PPP3CC: variants seen among roughly 807,000 people sequenced by gnomAD.
The protein encoded by PPP3CC is serine/threonine-protein phosphatase 2B catalytic subunit gamma isoform.
Under a neutral mutation model 60.3 loss-of-function variants are expected in PPP3CC, and 35 were observed. The observed-to-expected ratio is 0.58, with a 90% CI of 0.44 to 0.77. The LOEUF (loss-of-function observed/expected upper bound fraction) is 0.77. PPP3CC is among the 30% of genes least tolerant of loss of function. The pLI is 0.00. For missense variants in PPP3CC, 570 were observed against 628.9 expected (o/e 0.91, Z 1.00); for synonymous variants, 206 against 224.3 (o/e 0.92, Z 0.73).
intron 1 of PPP3CC, among the ~76,000 whole-genome samples, chr8:22,463,996 C>A (rs1351187048): frequency 6.6e-6 from 1 of 152,138 alleles, no homozygotes; most frequent in Non-Finnish European, 1.5e-5. Flanking sequence ...CCATGTTGGT[C>A]AGGCTGGTCT....
intron 6 of PPP3CC, among the ~76,000 whole-genome samples, chr8:22,518,579 G>C (rs190461883): frequency 1.3e-5 from 2 of 152,144 alleles, no homozygotes; most frequent in Admixed American, 6.6e-5. Context: ...TTGTATATGC[G>C]TATTAGGTCC....
chr8:22,490,642 C>T (rs897455600), intron 3 of PPP3CC, among the ~76,000 whole-genome samples: 1 of 147,126 alleles, frequency 6.8e-6, no homozygotes, highest in Non-Finnish European at 1.5e-5. Flanking sequence ...GTGATGTTCC[C>T]CTTCCTGTGT....
intron 3 of PPP3CC, among the ~76,000 whole-genome samples, chr8:22,482,616 A>G (rs1586819466): frequency 6.6e-6 from 1 of 152,198 alleles, no homozygotes; most frequent in Non-Finnish European, 1.5e-5. Context: ...GCCCATGCCT[A>G]TGTCCTGAAT....
At chr8:22,519,263 G>A (rs1450548435) in intron 6 of PPP3CC, among the ~76,000 whole-genome samples, 1 of 152,140 alleles carries the variant, frequency 6.6e-6, no homozygotes, top group Non-Finnish European at 1.5e-5. Flanking sequence ...TTCAGCTTAT[G>A]TGTGTCTTTA....
chr8:22,497,930 G>A, intron 3 of PPP3CC, 71 bp from the exon 4 acceptor site: 1 of 982,758 alleles, frequency 1.0e-6, no homozygotes, highest in South Asian at 1.7e-5. Flanking sequence ...CAAGTCATTT[G>A]AATTATATAA....
At chr8:22,536,677 T>G (rs1839851099) in intron 12 of PPP3CC, among the ~76,000 whole-genome samples, 1 of 152,202 alleles carries the variant, frequency 6.6e-6, no homozygotes, top group Non-Finnish European at 1.5e-5. Flanking sequence ...TTTCTTATTC[T>G]TATTGATTCA....
At position 22,528,495 on chromosome 8, in the gene PPP3CC, G is replaced by A. The variant is rs1839619017; in HGVS notation, c.1070-11G>A. 1.3e-6 allele frequency: 2 copies of A among 1,507,972 alleles called. No homozygotes were observed. Among genetic ancestry groups the A allele is most frequent in the Non-Finnish European group, 1.8e-6 (2 of 1,118,970 alleles). 93.4% of individuals were successfully genotyped at this position (1,507,972 alleles called of 1,614,324 possible). A position where few individuals can be genotyped will look rare whatever the true frequency, so the allele number is the denominator to read the frequency against. ...AATCGCGTAAATTTTGGATTATTTT[G>A]TCTTACTTAGTCACAGAGATGCTGG... On this transcript the variant is annotated splice_polypyrimidine_tract_variant and intron_variant, in intron 9 of 13. Transcript: ENST00000240139.
intron 3 of PPP3CC, among the ~76,000 whole-genome samples, chr8:22,477,796 G>A (rs745886292): frequency 2.0e-5 from 3 of 151,848 alleles, no homozygotes; most frequent in Non-Finnish European, 4.4e-5. Context: ...ACACCACTGT[G>A]CCTGGCTAGT....
At chr8:22,531,243 T>C (rs1374095365) in intron 10 of PPP3CC, 37 of 1,443,282 alleles carry the variant, frequency 2.6e-5, no homozygotes, top group Non-Finnish European at 3.3e-5. Context: ...AAACATAAAT[T>C]TCTCTTCTCA....
intron 1 of PPP3CC, among the ~76,000 whole-genome samples, chr8:22,462,822 A>G (rs906704774): frequency 6.6e-6 from 1 of 152,134 alleles, no homozygotes; most frequent in Non-Finnish European, 1.5e-5. Flanking sequence ...TAATTTGTTG[A>G]ATCAGCTGGT....
chr8:22,526,840 A>G (rs1839573553), intron 8 of PPP3CC, among the ~76,000 whole-genome samples: 2 of 152,248 alleles, frequency 1.3e-5, no homozygotes, highest in Admixed American at 6.5e-5. Flanking sequence ...AAAATCCGCT[A>G]TATTGAATAC....
chr8:22,501,059 G>C (rs537411437), intron 4 of PPP3CC, among the ~76,000 whole-genome samples: 3 of 152,150 alleles, frequency 2.0e-5, no homozygotes, highest in Non-Finnish European at 4.4e-5. Context: ...TCAGGAGGCT[G>C]ATTGAGGTGG....
At chr8:22,468,510 C>A (rs1837616555) in intron 1 of PPP3CC, among the ~76,000 whole-genome samples, 1 of 151,950 alleles carries the variant, frequency 6.6e-6, no homozygotes, top group South Asian at 2.1e-4. Context: ...ATATTTATCC[C>A]TTTCATTTAG....
rs1029062925 is a variant in PPP3CC, at chr8:22,512,932, C to T, written c.631-361C>T. ...TCTCTACTAAAAATACAAAATTAGC[C>T]GGGTGTGGTGGCACATGCCTGTAAT... is the stretch of plus-strand genomic sequence containing the variant. On this transcript the variant is annotated intron_variant, in intron 5 of 13. Transcript: ENST00000240139. Among the ~76,000 whole-genome samples the T allele has an allele frequency of 5.3e-5, 8 of 152,092 alleles. No homozygotes were observed. The East Asian group carries it at 5.8e-4, about 11-fold the overall frequency.
intron 4 of PPP3CC, among the ~76,000 whole-genome samples, chr8:22,505,636 T>A (rs1384061437): frequency 6.6e-6 from 1 of 152,154 alleles, no homozygotes; most frequent in East Asian, 1.9e-4. Context: ...TAAATTGACA[T>A]GAGATAAATT....
intron 3 of PPP3CC, among the ~76,000 whole-genome samples, chr8:22,485,193 A>G (rs926116932): frequency 3.2e-4 from 48 of 152,316 alleles, no homozygotes; most frequent in Admixed American, 6.5e-4. Flanking sequence ...TTTAATCCCA[A>G]ATACACAAAA....
At chr8:22,491,533 T>G (rs1406232737) in intron 3 of PPP3CC, among the ~76,000 whole-genome samples, 1 of 152,232 alleles carries the variant, frequency 6.6e-6, no homozygotes, top group East Asian at 1.9e-4. Context: ...TACAAGCATA[T>G]TTGCAAATCT....
At chr8:22,446,954 C>T (rs1836843404) in intron 1 of PPP3CC, among the ~76,000 whole-genome samples, 1 of 151,384 alleles carries the variant, frequency 6.6e-6, no homozygotes, top group African/African-American at 2.4e-5. Context: ...AAAGGGATGT[C>T]TTAGAATCAT....
chr8:22,502,873 GTTTTGT>G (rs1020028831), intron 4 of PPP3CC, among the ~76,000 whole-genome samples: 7 of 151,696 alleles, frequency 4.6e-5, no homozygotes, highest in African/African-American at 1.7e-4. Flanking sequence ...GGGTTTTTTT[GTTTTGT>G]TTTTGTTTTG....
Sources: gnomAD v4.1 joint callset for allele counts (sites outside exome capture counted in the v4.1 genomes callset) on GRCh38, gnomAD v4.1.1 for gene constraint, MANE v1.5 for transcripts, NCBI Gene and HGNC (gene_info 2026-07-23, HGNC 2026-07-21) for gene names.